The following POR variants were observed in gnomAD, a reference collection of about 807,000 sequenced individuals.
POR encodes the protein cytochrome p450 oxidoreductase, also known as NADPH--cytochrome P450 reductase.
POR carries 56 observed loss-of-function variants against 84.0 expected under a neutral mutation model. The ratio of observed to expected loss-of-function variants is 0.67; its 90% CI spans 0.54 to 0.83. POR has a LOEUF of 0.83. Ranked by LOEUF, POR falls within the 40% of genes least tolerant of loss-of-function variation. POR has a pLI of 0.00. For synonymous variants in POR, 414 were observed against 400.5 expected, an observed-to-expected ratio of 1.03 and a Z score of -0.40; for missense variants, 938 against 944.3, an observed-to-expected ratio of 0.99 and a Z score of 0.09.
intron 1 of POR, among the ~76,000 whole-genome samples, chr7:75,929,064 G>A (rs145699402): frequency 0.011 from 1,633 of 152,264 alleles, 22 homozygotes; most frequent in Middle Eastern, 0.034. Flanking sequence ...GGGCAATCTT[G>A]TAAATGGTAT....
chr7:75,944,337 A>G (rs1354505971), intron 1 of POR, among the ~76,000 whole-genome samples: 2 of 152,176 alleles, frequency 1.3e-5, no homozygotes, highest in East Asian at 3.9e-4. Flanking sequence ...GACCAGCCCC[A>G]GCAACATGGT....
chr7:75,981,276 C>A, intron 6 of POR, 104 bp downstream of exon 6: 6 of 1,427,924 alleles, frequency 4.2e-6, no homozygotes, highest in African/African-American at 2.9e-5. Flanking sequence ...CTCAGCGACA[C>A]GCACCTCCAA....
At chr7:75,931,176 C>A (rs1421688825) in intron 1 of POR, among the ~76,000 whole-genome samples, 1 of 151,998 alleles carries the variant, frequency 6.6e-6, no homozygotes, top group Non-Finnish European at 1.5e-5. Flanking sequence ...TATCCATCAC[C>A]CATTGAATGG....
intron 2 of POR, among the ~76,000 whole-genome samples, chr7:75,968,462 C>A (rs1302999364): frequency 6.6e-6 from 1 of 152,240 alleles, no homozygotes; most frequent in African/African-American, 2.4e-5. Flanking sequence ...ATCAGGTCCC[C>A]CATGCAAATC....
At chr7:75,979,988 C>T (rs527518181) in intron 4 of POR, among the ~76,000 whole-genome samples, 225 of 152,348 alleles carry the variant, frequency 1.5e-3, no homozygotes, top group African/African-American at 5.1e-3. Context: ...CAGTGTGCAC[C>T]GGGGCTGTGC....
chr7:75,946,009 C>G (rs1787158375), intron 1 of POR, among the ~76,000 whole-genome samples: 1 of 152,156 alleles, frequency 6.6e-6, no homozygotes, highest in African/African-American at 2.4e-5. Context: ...GCCCCCCAGC[C>G]TGTGTGCTCC....
At position 75,980,993 on chromosome 7, in the gene POR, C is replaced by T. The variant is rs1271968880; in HGVS notation, c.517-55C>T. On this transcript the variant is annotated intron_variant, in intron 5 of 15. Transcript: ENST00000461988. ...GCCTCCCGCCCTGCCCCCATGGCCC[C>T]TCCCACTGGTCAGGTCGAGGGCCAG... 16 of 1,500,922 alleles carry T rather than the reference C, an allele frequency of 1.1e-5. No individual in the cohort carries two copies. The African/African-American group carries it at 1.3e-4, about 12-fold the overall frequency. The allele number at this position is 1,500,922 out of a possible 1,614,324, so 93.0% of individuals were successfully genotyped here.
intron 2 of POR, 88 bp downstream of exon 2, chr7:75,954,268 A>G: frequency 7.4e-7 from 1 of 1,353,114 alleles, no homozygotes; most frequent in Non-Finnish European, 1.0e-6. Context: ...AGGCTGAAAG[A>G]AGCAAGGCTC....
intron 2 of POR, among the ~76,000 whole-genome samples, chr7:75,967,046 T>G (rs1554555372): frequency 6.6e-6 from 1 of 152,156 alleles, no homozygotes; most frequent in East Asian, 1.9e-4. Flanking sequence ...CTTGGCTCAC[T>G]GCAACCTTCA....
At chr7:75,933,745 C>T (rs1807537890) in intron 1 of POR, among the ~76,000 whole-genome samples, 2 of 152,120 alleles carry the variant, frequency 1.3e-5, no homozygotes, top group Admixed American at 1.3e-4. Flanking sequence ...GAAATAGTTT[C>T]AGATTTGCAA....
intron 1 of POR, among the ~76,000 whole-genome samples, chr7:75,937,895 C>T (rs542697831): frequency 2.0e-5 from 3 of 152,286 alleles, no homozygotes; most frequent in Admixed American, 6.5e-5. Context: ...TTAATGTTGA[C>T]GCTGGATTAT....
chr7:75,952,614 C>T (rs1197734216), intron 1 of POR, among the ~76,000 whole-genome samples: 3 of 146,668 alleles, frequency 2.0e-5, no homozygotes, highest in African/African-American at 7.7e-5. Context: ...ACGGGGCGGC[C>T]GGGCAGAGAC....
rs374548698 is a variant in POR, at chr7:75,986,732, G to A, written c.*251G>A. The A allele has an allele frequency of 3.2e-5, 19 of 592,496 alleles. No individual in the cohort carries two copies. Among genetic ancestry groups the A allele is most frequent in the African/African-American group, 7.4e-5 (4 of 53,766 alleles). 36.7% of individuals were successfully genotyped at this position (592,496 alleles called of 1,614,324 possible). A position where few individuals can be genotyped will look rare whatever the true frequency, so the allele number is the denominator to read the frequency against. ...ATGCCTCTGGAGGCCTCTGGCCCTC[G>A]GTGGCTGCACAGAAGGGCTCTTTCT... On this transcript the variant is annotated 3_prime_UTR_variant, in exon 16 of 16. Transcript: ENST00000461988.
chr7:75,986,525 C>A lies in POR; in HGVS notation c.*44C>A. The A allele has an allele frequency of 6.3e-7, 1 of 1,589,536 alleles. No homozygotes were observed. The highest frequency in any genetic ancestry group is 1.1e-5 in the South Asian group (1 of 89,506). On this transcript the variant is annotated 3_prime_UTR_variant, in exon 16 of 16. Transcript: ENST00000461988. ...CACCCCACAGACTCCGGCCTGTAATCAGCTCTCCTGGCTCCCTCCCGTAGT... is the reference window on the plus strand; with the variant it reads ...CACCCCACAGACTCCGGCCTGTAATAAGCTCTCCTGGCTCCCTCCCGTAGT...
At chr7:75,956,630 T>C (rs1169234837) in intron 2 of POR, among the ~76,000 whole-genome samples, 1 of 152,194 alleles carries the variant, frequency 6.6e-6, no homozygotes, top group African/African-American at 2.4e-5. Context: ...GTGTAGTGTT[T>C]GCGTTGATCG....
intron 1 of POR, chr7:75,922,969 G>A: frequency 1.5e-6 from 1 of 681,314 alleles, no homozygotes; most frequent in African/African-American, 1.8e-5. Context: ...CAGACGACTA[G>A]AAGTAAAACC....
chr7:75,981,786 CT>C, intron 7 of POR, 180 bp downstream of exon 7: 4 of 611,066 alleles, frequency 6.5e-6, no homozygotes, highest in South Asian at 4.2e-5. Context: ...CTGCACTGCC[CT>C]GGGGCAGCGG....
chr7:75,971,970 G>A (rs528356820), intron 2 of POR, among the ~76,000 whole-genome samples: 8 of 152,086 alleles, frequency 5.3e-5, no homozygotes, highest in Admixed American at 1.3e-4. Flanking sequence ...GCAGGGAAGT[G>A]GCAGATGTGA....
intron 1 of POR, among the ~76,000 whole-genome samples, chr7:75,941,304 A>G (rs1447389732): frequency 6.6e-6 from 1 of 152,332 alleles, no homozygotes; most frequent in East Asian, 1.9e-4. Flanking sequence ...AGTCTACAAA[A>G]GGAACCGTGC....
Sources: gnomAD v4.1 joint callset for allele counts (sites outside exome capture counted in the v4.1 genomes callset) on GRCh38, gnomAD v4.1.1 for gene constraint, MANE v1.5 for transcripts, NCBI Gene and HGNC (gene_info 2026-07-23, HGNC 2026-07-21) for gene names.